The following FCHO2 variants were observed in gnomAD, a reference collection of about 807,000 sequenced individuals.
The protein encoded by FCHO2 is FCH and mu domain containing endocytic adaptor 2, also known as F-BAR domain only protein 2.
Under a neutral mutation model 114.1 loss-of-function variants are expected in FCHO2, and 43 were observed. The observed-to-expected ratio is 0.38, with a 90% CI of 0.30 to 0.49. The LOEUF (loss-of-function observed/expected upper bound fraction) is 0.49. Ranked by LOEUF, FCHO2 falls within the 20% of genes least tolerant of loss-of-function variation. The pLI, the probability that FCHO2 is intolerant of heterozygous loss-of-function variation, is 0.97. For synonymous variants in FCHO2, 293 were observed against 315.2 expected (o/e 0.93, Z 0.75); for missense variants, 807 against 950.4 (o/e 0.85, Z 1.98).
Position 72,996,959 on chromosome 5 carries a change from G to A in FCHO2, c.495+6095G>A, listed in dbSNP as rs753509248. On this transcript the variant is annotated intron_variant, in intron 5 of 25. Transcript: ENST00000430046. The stretch of plus-strand genomic sequence containing the variant: ...GTGTCTGCTGGGGCTGCGCACGTTC[G>A]TGGCCTTCGCCGCCAAGCTCTGGAG... The A allele has an allele frequency of 4.4e-6, 7 of 1,606,800 alleles. No individual in the cohort carries two copies. The East Asian group carries it at 6.7e-5, about 15-fold the overall frequency.
At chr5:73,054,618 A>G in intron 15 of FCHO2, 69 bp downstream of exon 15, 5 of 1,132,610 alleles carry the variant, frequency 4.4e-6, no homozygotes, top group Non-Finnish European at 5.1e-6. Context: ...TTAGTCTTTT[A>G]CCTTTAGCTG....
At chr5:73,087,309 CTCTTT>C (rs1455970303) in intron 24 of FCHO2, among the ~76,000 whole-genome samples, 13 of 152,168 alleles carry the variant, frequency 8.5e-5, no homozygotes, top group African/African-American at 2.9e-4. Flanking sequence ...CTTCCTTCTT[CTCTTT>C]TGACTCGCCT....
intron 8 of FCHO2, chr5:73,021,195 A>G: frequency 3.9e-6 from 3 of 761,704 alleles, no homozygotes; most frequent in Non-Finnish European, 7.4e-6. Context: ...GCTGTAGAGC[A>G]AGTGATTTGA....
chr5:73,072,386 C>T (rs545502852), intron 19 of FCHO2, among the ~76,000 whole-genome samples: 3 of 151,998 alleles, frequency 2.0e-5, no homozygotes, highest in East Asian at 3.9e-4. Context: ...ACATATGATC[C>T]AGCAATTTTA....
intron 5 of FCHO2, chr5:72,997,261 T>C: frequency 1.0e-5 from 13 of 1,256,464 alleles, no homozygotes; most frequent in Non-Finnish European, 1.4e-5. Flanking sequence ...TGGATTTCTT[T>C]TTGGAAGTCG....
intron 1 of FCHO2, among the ~76,000 whole-genome samples, chr5:72,958,684 G>T (rs1210770253): frequency 6.6e-6 from 1 of 152,078 alleles, no homozygotes; most frequent in Non-Finnish European, 1.5e-5. Context: ...TGGGTTCCTT[G>T]CATTTCCAGA....
intron 10 of FCHO2, among the ~76,000 whole-genome samples, chr5:73,039,200 C>G (rs1756680941): frequency 6.6e-6 from 1 of 152,158 alleles, no homozygotes. Flanking sequence ...GCCAGAGGCT[C>G]TTGGCATGCC....
intron 1 of FCHO2, among the ~76,000 whole-genome samples, chr5:72,958,351 A>T (rs1251155147): frequency 6.6e-6 from 1 of 152,048 alleles, no homozygotes; most frequent in Non-Finnish European, 1.5e-5. Flanking sequence ...TTTGAAGTTA[A>T]TTTTTGTGTA....
chr5:72,979,350 G>T (rs1753053508), intron 2 of FCHO2, among the ~76,000 whole-genome samples: 1 of 120,960 alleles, frequency 8.3e-6, no homozygotes. Flanking sequence ...GAGGGTGTAT[G>T]TGTATGTGTC....
chr5:73,013,192 C>T (rs901220818), intron 6 of FCHO2, among the ~76,000 whole-genome samples: 3 of 151,954 alleles, frequency 2.0e-5, no homozygotes, highest in Non-Finnish European at 2.9e-5. Flanking sequence ...TGCCATTCCT[C>T]ATAAATCAAA....
In FCHO2 at chr5:72,990,761, G is replaced by T. The variant is rs1233481411; in HGVS notation, c.392G>T (p.Ser131Ile). The change falls in exon 5 of 26, where the codon AGC (serine) becomes ATC (isoleucine). Residue 131 changes from serine to isoleucine, a missense_variant. Coordinates refer to ENST00000430046, the MANE Select transcript of FCHO2 (RefSeq NM_138782.3). ...GTLEAVQTIQSITQALQKSKE... is the reference protein window; with the variant it reads ...GTLEAVQTIQIITQALQKSKE... ...CTGGAAGCTGTCCAAACCATTCAGA[G>T]CATAACTCAGGCCCTCCAGAAATCC... 6.4e-7 allele frequency: 1 copy of T among 1,557,164 alleles called. No individual in the cohort carries two copies. Among genetic ancestry groups the T allele is most frequent in the Non-Finnish European group, 8.7e-7 (1 of 1,149,704 alleles).
chr5:73,061,455 GT>G (rs530629504), intron 17 of FCHO2, among the ~76,000 whole-genome samples: 3 of 151,954 alleles, frequency 2.0e-5, no homozygotes, highest in Non-Finnish European at 4.4e-5. Context: ...TTTGCTTGTA[GT>G]TTTTTATTTT....
At chr5:73,078,126 G>C (rs1411254070) in intron 21 of FCHO2, 54 bp from the exon 22 acceptor site, 21 of 1,363,058 alleles carry the variant, frequency 1.5e-5, no homozygotes, top group Non-Finnish European at 9.6e-7. Flanking sequence ...CTACACAGAG[G>C]CAAAACATAA....
At chr5:73,015,110 A>G (rs1755234558) in intron 6 of FCHO2, among the ~76,000 whole-genome samples, 1 of 150,448 alleles carries the variant, frequency 6.6e-6, no homozygotes, top group Non-Finnish European at 1.5e-5. Context: ...TCCAAATTCT[A>G]GAAAAGTTTG....
chr5:73,002,596 C>T (rs1317315972), intron 5 of FCHO2, among the ~76,000 whole-genome samples: 2 of 152,122 alleles, frequency 1.3e-5, no homozygotes, highest in African/African-American at 4.8e-5. Context: ...TTTATTTTAG[C>T]TATAGGCTTT....
Position 73,056,060 on chromosome 5 carries a change from A to T in FCHO2, c.1211-5A>T. The T allele has an allele frequency of 6.7e-7, 1 of 1,493,000 alleles. No individual in the cohort carries two copies. The allele number at this position is 1,493,000 out of a possible 1,614,324, so 92.5% of individuals were successfully genotyped here. On this transcript the variant is annotated splice_region_variant and splice_polypyrimidine_tract_variant and intron_variant, in intron 15 of 25. Transcript: ENST00000430046. ...GAAGTTTTCATATTTTAATTTTTTA[A>T]TTAGATGAGGAGTTAACAAAATCAA...
intron 22 of FCHO2, among the ~76,000 whole-genome samples, chr5:73,081,105 G>T (rs1743076336): frequency 6.6e-6 from 1 of 152,070 alleles, no homozygotes; most frequent in South Asian, 2.1e-4. Context: ...GTGAGACCCT[G>T]CCTCAAAATA....
intron 8 of FCHO2, among the ~76,000 whole-genome samples, chr5:73,026,008 A>AT (rs137934456): frequency 0.01 from 1,572 of 152,344 alleles, 28 homozygotes; most frequent in African/African-American, 0.036. Flanking sequence ...AAAAATTTGT[A>AT]TACATAGCTG....
chr5:72,976,737 A>T (rs1752907534), intron 2 of FCHO2, among the ~76,000 whole-genome samples: 1 of 152,060 alleles, frequency 6.6e-6, no homozygotes, highest in Non-Finnish European at 1.5e-5. Context: ...CCTGTCATCC[A>T]CATTAGGTCT....
Sources: gnomAD v4.1 joint callset for allele counts (sites outside exome capture counted in the v4.1 genomes callset) on GRCh38, gnomAD v4.1.1 for gene constraint, MANE v1.5 for transcripts, NCBI Gene and HGNC (gene_info 2026-07-23, HGNC 2026-07-21) for gene names.